Variants in MYT1L observed in about 807,000 individuals in gnomAD.
The protein encoded by MYT1L is myelin transcription factor 1-like protein.
MYT1L carries 12 observed loss-of-function variants against 126.7 expected under a neutral mutation model. That is an observed-to-expected ratio of 0.09 (90% confidence interval 0.06 to 0.15). The LOEUF (loss-of-function observed/expected upper bound fraction) is 0.15. Ranked by LOEUF, MYT1L falls within the 10% of genes least tolerant of loss-of-function variation. The pLI is 1.00. For synonymous variants in MYT1L, 541 were observed against 604.2 expected, an observed-to-expected ratio of 0.90 and a Z score of 1.53; for missense variants, 979 against 1,585.2, an observed-to-expected ratio of 0.62 and a Z score of 6.49.
At chr2:1,867,683 T>G (rs1425875508) in intron 18 of MYT1L, among the ~76,000 whole-genome samples, 1 of 152,154 alleles carries the variant, frequency 6.6e-6, no homozygotes, top group East Asian at 1.9e-4. Flanking sequence ...GGAGGCTGCA[T>G]ATGCCTCTGT....
chr2:1,836,510 C>CCCAATATTCCATTAGCCTGCGCT (rs2040911415), intron 21 of MYT1L, among the ~76,000 whole-genome samples: 1 of 150,280 alleles, frequency 6.7e-6, no homozygotes, highest in Non-Finnish European at 1.5e-5. Context: ...TCAGCCTGCA[C>CCCAATATTCCATTAGCCTGCGCT]CCAATATTCC....
rs769758400 is a variant in MYT1L at position 1,979,826 on chromosome 2, C to T, written c.1-49G>A. On this transcript the variant is annotated intron_variant, in intron 5 of 24. Coordinates refer to ENST00000647738, the MANE Select transcript of MYT1L (RefSeq NM_001303052.2). The surrounding 1 kb of genome is among the most constrained non-coding windows in gnomAD (Gnocchi z 4.0). ...AATGTGCTTATCCTGCCTGTGCAGG[C>T]CAGCCCTGCAGGGGCGGCTCACTCT... The T allele has an allele frequency of 6.3e-7, 1 of 1,586,676 alleles. No individual in the cohort carries two copies. Among genetic ancestry groups the T allele is most frequent in the Non-Finnish European group, 8.6e-7 (1 of 1,156,100 alleles).
At chr2:1,795,839 G>C (rs538094623) in intron 23 of MYT1L, 17 of 152,242 alleles carry the variant, frequency 1.1e-4, no homozygotes, top group Non-Finnish European at 2.4e-4. Context: ...ATCAGCAGCA[G>C]CCTGATGGCC....
chr2:2,115,169 T>A (rs1243743921), intron 3 of MYT1L, among the ~76,000 whole-genome samples: 1 of 152,248 alleles, frequency 6.6e-6, no homozygotes, highest in Non-Finnish European at 1.5e-5. Flanking sequence ...TCACTCTCCA[T>A]CTGCTTTAGT....
intron 2 of MYT1L, among the ~76,000 whole-genome samples, chr2:2,174,836 A>G (rs2090528662): frequency 6.6e-6 from 1 of 152,100 alleles, no homozygotes; most frequent in Admixed American, 6.5e-5. Context: ...TGGTGTGAAC[A>G]TTTGTTGAGT....
rs532255607 is a variant in MYT1L at position 2,010,833 on chromosome 2, C to T, written c.-157-13486G>A. Among the ~76,000 whole-genome samples the T allele has an allele frequency of 1.9e-4, 29 of 152,280 alleles. No individual in the cohort carries two copies. In the South Asian group the frequency reaches 4.6e-3, roughly 24 times the overall value. On this transcript the variant is annotated intron_variant, in intron 4 of 24. Coordinates refer to ENST00000647738, the MANE Select transcript of MYT1L (RefSeq NM_001303052.2). Reference sequence around the variant, plus strand: ...TATGGACAGACATGATGCAGCTCAGCGGAACAGAACCCATACCAAGAAGTA... The same window carrying T: ...TATGGACAGACATGATGCAGCTCAGTGGAACAGAACCCATACCAAGAAGTA...
chr2:1,836,356 C>T (rs1558701241), intron 21 of MYT1L, among the ~76,000 whole-genome samples: 1 of 147,916 alleles, frequency 6.8e-6, no homozygotes, highest in Admixed American at 6.8e-5. Context: ...AATGTGCACC[C>T]CAAGATTCCA....
intron 3 of MYT1L, among the ~76,000 whole-genome samples, chr2:2,137,254 G>A (rs1008814543): frequency 1.3e-5 from 2 of 152,128 alleles, no homozygotes; most frequent in African/African-American, 2.4e-5. Flanking sequence ...CGTGAAAATG[G>A]CCATACTGCC....
At chr2:1,925,826 T>A (rs908348969) in intron 9 of MYT1L, among the ~76,000 whole-genome samples, 3 of 152,200 alleles carry the variant, frequency 2.0e-5, no homozygotes, top group Non-Finnish European at 4.4e-5. Context: ...AATTGTGTGA[T>A]GCTGGTGACC....
intron 2 of MYT1L, among the ~76,000 whole-genome samples, chr2:2,206,327 C>CT (rs1275444910): frequency 6.6e-6 from 1 of 152,150 alleles, no homozygotes; most frequent in Admixed American, 6.6e-5. Context: ...TACCATTCAC[C>CT]TTTTTCTTTT....
rs570563262 is a variant in MYT1L at position 1,851,825 on chromosome 2, T to A, written c.2712-122A>T. On this transcript the variant is annotated intron_variant, in intron 18 of 24. Transcript: ENST00000647738. Reference sequence around the variant, plus strand: ...GCTTCACTTCCTACTTGAAAGAGGCTGAGTGGAGCCGGAAGCTCCCTCATG... The same window carrying A: ...GCTTCACTTCCTACTTGAAAGAGGCAGAGTGGAGCCGGAAGCTCCCTCATG... 1.5e-5 allele frequency: 14 copies of A among 937,140 alleles called. No individual in the cohort carries two copies. The African/African-American group carries it at 1.8e-4, about 12-fold the overall frequency. 58.1% of individuals were successfully genotyped at this position (937,140 alleles called of 1,614,324 possible).
chr2:2,295,844 G>A (rs1421734544), intron 1 of MYT1L, among the ~76,000 whole-genome samples: 3 of 148,466 alleles, frequency 2.0e-5, no homozygotes, highest in South Asian at 2.2e-4. Flanking sequence ...GAGAGGGGAC[G>A]GGAGGTAGCA....
chr2:1,975,314 G>A (rs919413602), intron 8 of MYT1L, among the ~76,000 whole-genome samples: 1 of 135,658 alleles, frequency 7.4e-6, no homozygotes, highest in Non-Finnish European at 1.6e-5. Context: ...CTGTGGCAGA[G>A]AGGGTGACGT....
chr2:1,919,368 C>T (rs935724339), intron 10 of MYT1L, among the ~76,000 whole-genome samples: 2 of 152,134 alleles, frequency 1.3e-5, no homozygotes, highest in African/African-American at 4.8e-5. Flanking sequence ...AATAACCAAG[C>T]AAGCAAAGGG....
chr2:2,193,783 A>G (rs1040702718), intron 2 of MYT1L, among the ~76,000 whole-genome samples: 3 of 152,158 alleles, frequency 2.0e-5, no homozygotes, highest in African/African-American at 7.2e-5. Context: ...GAAACAGTGA[A>G]CGCTGGGTTT....
intron 2 of MYT1L, among the ~76,000 whole-genome samples, chr2:2,212,496 T>TTTTGTA (rs1351922593): frequency 6.6e-6 from 1 of 152,238 alleles, no homozygotes; most frequent in African/African-American, 2.4e-5. Flanking sequence ...TAATACATAT[T>TTTTGTA]TTTGTTAATT....
rs187504068 is a variant in MYT1L, at chr2:2,041,470, T to C, written c.-158+12508A>G. ...GCTTTGCAAGCTGAATTGGAATTAA[T>C]TGCAGATTGGGTCATGCTATATTTA... On this transcript the variant is annotated intron_variant, in intron 4 of 24. Coordinates refer to ENST00000647738, the MANE Select transcript of MYT1L (RefSeq NM_001303052.2). 5.3e-5 allele frequency among the ~76,000 whole-genome samples: 8 copies of C among 152,344 alleles called. No homozygotes were observed. The East Asian group carries it at 1.5e-3, about 29-fold the overall frequency.
intron 9 of MYT1L, among the ~76,000 whole-genome samples, chr2:1,927,143 G>A (rs1052757256): frequency 2.0e-5 from 3 of 152,184 alleles, no homozygotes; most frequent in African/African-American, 7.2e-5. Context: ...TTACCGCACT[G>A]GCACGGAAAT....
intron 3 of MYT1L, among the ~76,000 whole-genome samples, chr2:2,073,424 G>A (rs2074848011): frequency 6.6e-6 from 1 of 152,076 alleles, no homozygotes; most frequent in African/African-American, 2.4e-5. Context: ...ACTTCATCCT[G>A]ATGTTGATCC....
Sources: allele counts gnomAD v4.1 joint callset (sites outside exome capture counted in the v4.1 genomes callset), GRCh38; gene constraint gnomAD v4.1.1; non-coding constraint Gnocchi (gnomAD v3.1); transcripts MANE v1.5; gene names NCBI Gene and HGNC (gene_info 2026-07-23, HGNC 2026-07-21).